MEI4: variants seen among roughly 807,000 people sequenced by gnomAD.
MEI4 encodes the protein meiosis-specific protein MEI4.
Under a neutral mutation model 31.4 loss-of-function variants are expected in MEI4, and 27 were observed. The ratio of observed to expected loss-of-function variants is 0.86; its 90% CI spans 0.63 to 1.19. The LOEUF is 1.19. Among genes scored for constraint, MEI4 ranks in the 50% most tolerant of loss-of-function variants. The pLI is 0.00. For synonymous variants in MEI4, 122 were observed against 145.4 expected, an observed-to-expected ratio of 0.84 and a Z score of 1.16; for missense variants, 329 against 398.9, an observed-to-expected ratio of 0.82 and a Z score of 1.49.
chr6:77,912,987 C>T (rs1467754327), intron 4 of MEI4, among the ~76,000 whole-genome samples: 3 of 152,056 alleles, frequency 2.0e-5, no homozygotes, highest in East Asian at 1.9e-4. Flanking sequence ...TATGTTCCTT[C>T]TATGACTAGT....
chr6:77,713,467 A>T (rs1218646866), intron 2 of MEI4, among the ~76,000 whole-genome samples: 1 of 152,182 alleles, frequency 6.6e-6, no homozygotes, highest in Non-Finnish European at 1.5e-5. Flanking sequence ...TATGTTGTGG[A>T]AAAGGGTAGG....
At chr6:77,911,771 C>A (rs867053325) in intron 4 of MEI4, among the ~76,000 whole-genome samples, 2 of 148,506 alleles carry the variant, frequency 1.3e-5, no homozygotes, top group Middle Eastern at 3.6e-3. Context: ...TTATCCAGTC[C>A]ACTGTTGATG....
intron 2 of MEI4, among the ~76,000 whole-genome samples, chr6:77,745,880 T>G (rs1483299491): frequency 6.6e-6 from 1 of 152,062 alleles, no homozygotes; most frequent in Non-Finnish European, 1.5e-5. Flanking sequence ...ACTGGGTACA[T>G]AATGAAATGA....
intron 3 of MEI4, among the ~76,000 whole-genome samples, chr6:77,763,527 T>C (rs1287385743): frequency 6.6e-6 from 1 of 152,198 alleles, no homozygotes; most frequent in Non-Finnish European, 1.5e-5. Flanking sequence ...TCACTTGTTC[T>C]TCTACTGTTG....
chr6:77,871,272 G>A (rs1408052548), intron 4 of MEI4, among the ~76,000 whole-genome samples: 2 of 152,154 alleles, frequency 1.3e-5, no homozygotes, highest in East Asian at 1.9e-4. Flanking sequence ...TTGACCCCTC[G>A]TGTTCTTTCT....
At chr6:77,749,406 G>T (rs1767705314) in intron 2 of MEI4, among the ~76,000 whole-genome samples, 1 of 152,108 alleles carries the variant, frequency 6.6e-6, no homozygotes. Context: ...AGAACAGCAA[G>T]TTTAGAGAAG....
At position 77,926,535 on chromosome 6, in the gene MEI4, T is replaced by C. The variant is rs527428856; in HGVS notation, c.*3189T>C. The C allele has an allele frequency of 6.6e-6, 1 of 152,060 alleles. No individual in the cohort carries two copies. The highest frequency in any genetic ancestry group is 1.5e-5 in the Non-Finnish European group (1 of 67,934). 9.4% of individuals were successfully genotyped at this position (152,060 alleles called of 1,614,324 possible). A position where few individuals can be genotyped will look rare whatever the true frequency, so the allele number is the denominator to read the frequency against. On this transcript the variant is annotated 3_prime_UTR_variant, in exon 5 of 5. Transcript: ENST00000684080. Reference sequence around the variant, plus strand: ...GCCTTGTACTTTTTAATGGTATTTGTTGTCTTTTAGCCAAGGTCAGCATAT... The same window carrying C: ...GCCTTGTACTTTTTAATGGTATTTGCTGTCTTTTAGCCAAGGTCAGCATAT...
intron 4 of MEI4, among the ~76,000 whole-genome samples, chr6:77,884,638 A>G (rs1489100884): frequency 6.6e-6 from 1 of 152,082 alleles, no homozygotes; most frequent in Non-Finnish European, 1.5e-5. Context: ...TGTTTCTGAT[A>G]CCTTTGTTGA....
intron 3 of MEI4, among the ~76,000 whole-genome samples, chr6:77,770,423 A>C (rs931866110): frequency 6.6e-6 from 1 of 152,106 alleles, no homozygotes; most frequent in Non-Finnish European, 1.5e-5. Context: ...AAAATATTTA[A>C]ATTTCTATAC....
In MEI4 at chr6:77,912,007, T is replaced by C. The variant is rs376511923; in HGVS notation, c.901-11082T>C. ...TTGATCTTGAGTTGAATTTTGTATA[T>C]GGAGAGGTAGTGGGGTCCATTTTCA... On this transcript the variant is annotated intron_variant, in intron 4 of 4. Transcript: ENST00000684080. Among the ~76,000 whole-genome samples the C allele has an allele frequency of 1.1e-4, 16 of 152,072 alleles. No homozygotes were observed. The East Asian group carries it at 2.5e-3, about 24-fold the overall frequency.
chr6:77,749,587 C>G (rs57134400), intron 2 of MEI4, among the ~76,000 whole-genome samples: 21,129 of 151,920 alleles, frequency 0.14, 1,550 homozygotes, highest in Middle Eastern at 0.21. Flanking sequence ...TGAAAAGAAA[C>G]AAACAAAGCC....
intron 2 of MEI4, among the ~76,000 whole-genome samples, chr6:77,732,529 C>T (rs903501067): frequency 3.4e-5 from 5 of 148,872 alleles, no homozygotes; most frequent in African/African-American, 1.2e-4. Context: ...AGATTTTGGG[C>T]TGAGACAAGG....
intron 3 of MEI4, among the ~76,000 whole-genome samples, chr6:77,774,531 TTA>T (rs1768391808): frequency 6.6e-6 from 1 of 151,986 alleles, no homozygotes; most frequent in African/African-American, 2.4e-5. Flanking sequence ...GAGGACCTAA[TTA>T]GATTGTTGGG....
rs555225124 is a variant in MEI4 at position 77,875,533 on chromosome 6, A to G, written c.900+46471A>G. On this transcript the variant is annotated intron_variant, in intron 4 of 4. Coordinates refer to ENST00000684080, the MANE Select transcript of MEI4 (RefSeq NM_001322247.2). Reference sequence around the variant, plus strand: ...TTAAATCTCTGAAACCTTGAAATGGATATGTAAACTAGACAGAAAGTAGTT... The same window carrying G: ...TTAAATCTCTGAAACCTTGAAATGGGTATGTAAACTAGACAGAAAGTAGTT... 2.3e-4 allele frequency among the ~76,000 whole-genome samples: 35 copies of G among 152,336 alleles called. 1 individual carries two copies. Among genetic ancestry groups the G allele is most frequent in the African/African-American group, 6.5e-4 (27 of 41,582 alleles).
At chr6:77,679,762 A>G (rs535297200) in intron 1 of MEI4, among the ~76,000 whole-genome samples, 51 of 151,812 alleles carry the variant, frequency 3.4e-4, no homozygotes, top group African/African-American at 1.2e-3. Context: ...CGCGTCCCCA[A>G]GACAGTCTCG....
chr6:77,738,427 C>T (rs1582083185), intron 2 of MEI4, among the ~76,000 whole-genome samples: 2 of 152,022 alleles, frequency 1.3e-5, no homozygotes, highest in South Asian at 2.1e-4. Context: ...TCTCTCTTTT[C>T]TTTCTTTATT....
chr6:77,828,122 AT>A (rs1369220885), intron 3 of MEI4, among the ~76,000 whole-genome samples: 1 of 152,062 alleles, frequency 6.6e-6, no homozygotes. Context: ...TACAGTAAGC[AT>A]TTTCACAATC....
At chr6:77,756,368 C>T (rs543288109) in intron 2 of MEI4, among the ~76,000 whole-genome samples, 44 of 152,046 alleles carry the variant, frequency 2.9e-4, no homozygotes, top group African/African-American at 1.1e-3. Flanking sequence ...CTATTATTTA[C>T]CTTATTAGGG....
At position 77,769,680 on chromosome 6, in the gene MEI4, G is replaced by A. The variant is rs139883128; in HGVS notation, c.768+8015G>A. ...CCCATCCACAGTAGAATAAGGCAAC[G>A]GGCAGACTCCTAAGGCCCCCATCCC... is the stretch of plus-strand genomic sequence containing the variant. On this transcript the variant is annotated intron_variant, in intron 3 of 4. Transcript: ENST00000684080. Among the ~76,000 whole-genome samples the A allele has an allele frequency of 1.4e-3, 212 of 152,108 alleles. 1 individual carries two copies. Among genetic ancestry groups the A allele is most frequent in the African/African-American group, 4.5e-3 (185 of 41,496 alleles).
Sources: allele counts gnomAD v4.1 joint callset (sites outside exome capture counted in the v4.1 genomes callset), GRCh38; gene constraint gnomAD v4.1.1; transcripts MANE v1.5; gene names NCBI Gene and HGNC (gene_info 2026-07-23, HGNC 2026-07-21).